ARL6IP5: variants seen among roughly 807,000 people sequenced by gnomAD.
ARL6IP5 encodes the protein PRA1 family protein 3.
ARL6IP5 carries 6 observed loss-of-function variants against 13.0 expected under a neutral mutation model. The ratio of observed to expected loss-of-function variants is 0.46; its 90% CI spans 0.25 to 0.91. The LOEUF (loss-of-function observed/expected upper bound fraction) is 0.91. Among genes scored for constraint, ARL6IP5 ranks in the 40% least tolerant of loss-of-function variants. The probability of loss-of-function intolerance (pLI) is 0.17; values close to 1 mark genes in which losing one functional copy is unlikely to be tolerated. For synonymous variants in ARL6IP5, 91 were observed against 91.9 expected (o/e 0.99, Z 0.06); for missense variants, 208 against 248.8 (o/e 0.84, Z 1.10).
At chr3:69,093,424 A>T (rs1180460975) in intron 1 of ARL6IP5, among the ~76,000 whole-genome samples, 1 of 152,152 alleles carries the variant, frequency 6.6e-6, no homozygotes, top group Non-Finnish European at 1.5e-5. Context: ...TTATTCCATG[A>T]TCCTTAGGCC....
At chr3:69,090,167 C>T (rs1017896377) in intron 1 of ARL6IP5, among the ~76,000 whole-genome samples, 2 of 152,092 alleles carry the variant, frequency 1.3e-5, no homozygotes, top group Admixed American at 1.3e-4. Context: ...GGAAAAAAAG[C>T]GTAAGGCAAC....
At chr3:69,087,016 A>T (rs767594799) in intron 1 of ARL6IP5, among the ~76,000 whole-genome samples, 1 of 151,320 alleles carries the variant, frequency 6.6e-6, no homozygotes, top group Non-Finnish European at 1.5e-5. Flanking sequence ...CTTTTTAAAA[A>T]TTTTTATTAT....
At chr3:69,097,670 G>A (rs1252625185) in intron 1 of ARL6IP5, among the ~76,000 whole-genome samples, 1 of 152,130 alleles carries the variant, frequency 6.6e-6, no homozygotes, top group Non-Finnish European at 1.5e-5. Context: ...AGAAGACAGG[G>A]CATAATCCAG....
At chr3:69,088,985 G>A (rs2092256734) in intron 1 of ARL6IP5, among the ~76,000 whole-genome samples, 1 of 152,322 alleles carries the variant, frequency 6.6e-6, no homozygotes. Flanking sequence ...GGAGAACTCT[G>A]TTCAGTGTGT....
chr3:69,088,891 C>T (rs554022899), intron 1 of ARL6IP5, among the ~76,000 whole-genome samples: 239 of 152,326 alleles, frequency 1.6e-3, no homozygotes, highest in Admixed American at 2.9e-3. Context: ...ATGACACTTG[C>T]AATTTAAGTA....
intron 1 of ARL6IP5, 100 bp downstream of exon 1, chr3:69,085,323 T>A: frequency 7.1e-7 from 1 of 1,412,730 alleles, no homozygotes; most frequent in Non-Finnish European, 9.5e-7. Context: ...CTGACCACGC[T>A]CAGCGCCTGC....
chr3:69,104,744 C>A lies in ARL6IP5; in HGVS notation c.*108C>A. 2.5e-6 allele frequency: 3 copies of A among 1,219,232 alleles called. No homozygotes were observed. Among genetic ancestry groups the A allele is most frequent in the Non-Finnish European group, 2.4e-6 (2 of 847,340 alleles). 75.5% of individuals were successfully genotyped at this position (1,219,232 alleles called of 1,614,324 possible). On this transcript the variant is annotated 3_prime_UTR_variant, in exon 3 of 3. Coordinates refer to ENST00000273258, the MANE Select transcript of ARL6IP5 (RefSeq NM_006407.4). Reference sequence around the variant, plus strand: ...TGAAACAGGAGGTGCACGTACCACCCAATTATCTATGGCAGCATGCATGTA... The same window carrying A: ...TGAAACAGGAGGTGCACGTACCACCAAATTATCTATGGCAGCATGCATGTA...
intron 2 of ARL6IP5, among the ~76,000 whole-genome samples, chr3:69,104,143 C>T (rs1292373478): frequency 6.6e-6 from 1 of 152,178 alleles, no homozygotes; most frequent in African/African-American, 2.4e-5. Flanking sequence ...CGTTGATTCA[C>T]TCTGAATTTC....
intron 1 of ARL6IP5, among the ~76,000 whole-genome samples, chr3:69,086,744 A>G (rs1191848696): frequency 7.1e-6 from 1 of 140,328 alleles, no homozygotes; most frequent in African/African-American, 2.7e-5. Flanking sequence ...TTTTTTTGAG[A>G]CTGAGCCTCG....
chr3:69,101,749 T>G, intron 1 of ARL6IP5, 90 bp from the exon 2 acceptor site: 1 of 1,071,964 alleles, frequency 9.3e-7, no homozygotes, highest in Non-Finnish European at 1.4e-6. Flanking sequence ...TATTAGTAAG[T>G]TCTCAATAAT....
At chr3:69,091,731 G>A (rs111526385) in intron 1 of ARL6IP5, among the ~76,000 whole-genome samples, 2 of 146,320 alleles carry the variant, frequency 1.4e-5, no homozygotes, top group African/African-American at 2.5e-5. Context: ...CTTTCCCTAG[G>A]TAAGGATTTA....
chr3:69,091,009 C>A (rs1339106421), intron 1 of ARL6IP5, among the ~76,000 whole-genome samples: 1 of 152,090 alleles, frequency 6.6e-6, no homozygotes, highest in African/African-American at 2.4e-5. Context: ...CCAGCCCGGG[C>A]AACATGGCGA....
intron 1 of ARL6IP5, among the ~76,000 whole-genome samples, chr3:69,099,628 C>A (rs76424253): frequency 0.012 from 1,878 of 152,240 alleles, 12 homozygotes; most frequent in Middle Eastern, 0.044. Flanking sequence ...ATACGAATCC[C>A]AATATGAGCA....
At chr3:69,086,498 G>A (rs2107509518) in intron 1 of ARL6IP5, among the ~76,000 whole-genome samples, 1 of 152,350 alleles carries the variant, frequency 6.6e-6, no homozygotes, top group South Asian at 2.1e-4. Context: ...CAATCGCACA[G>A]ATCCTTCTTC....
At chr3:69,102,719 A>C (rs765501398) in intron 2 of ARL6IP5, among the ~76,000 whole-genome samples, 1 of 152,254 alleles carries the variant, frequency 6.6e-6, no homozygotes, top group African/African-American at 2.4e-5. Context: ...GTCCTGACAC[A>C]GGAATGAATG....
intron 1 of ARL6IP5, among the ~76,000 whole-genome samples, chr3:69,100,255 C>T (rs1429065663): frequency 7.2e-5 from 11 of 152,144 alleles, no homozygotes; most frequent in Admixed American, 7.2e-4. Context: ...TGTGTTTCCT[C>T]CATTATCAAT....
Position 69,105,092 on chromosome 3 carries a change from T to C in ARL6IP5, c.*456T>C. The stretch of plus-strand genomic sequence containing the variant: ...AGAATTGTAATGTGTGGGATATAAA[T>C]TAGTTTTTATTATTCTCTTAAAAAT... On this transcript the variant is annotated 3_prime_UTR_variant, in exon 3 of 3. Transcript: ENST00000273258. 1 of 508,896 alleles carries C rather than the reference T, an allele frequency of 2.0e-6. No individual in the cohort carries two copies. Among genetic ancestry groups the C allele is most frequent in the Non-Finnish European group, 3.5e-6 (1 of 289,366 alleles). The allele number at this position is 508,896 out of a possible 1,614,324, so 31.5% of individuals were successfully genotyped here.
chr3:69,090,096 T>C (rs2092260407), intron 1 of ARL6IP5: 2 of 250,506 alleles, frequency 8.0e-6, no homozygotes, highest in Non-Finnish European at 1.6e-5. Context: ...TTATGAAATG[T>C]TCGTATTGTT....
At chr3:69,087,245 C>G (rs1234447455) in intron 1 of ARL6IP5, among the ~76,000 whole-genome samples, 3 of 151,728 alleles carry the variant, frequency 2.0e-5, no homozygotes, top group East Asian at 2.0e-4. Flanking sequence ...CTTCTGGGCT[C>G]AAGCCATCCT....
Sources: gnomAD v4.1 joint callset for allele counts (sites outside exome capture counted in the v4.1 genomes callset) on GRCh38, gnomAD v4.1.1 for gene constraint, MANE v1.5 for transcripts, NCBI Gene and HGNC (gene_info 2026-07-23, HGNC 2026-07-21) for gene names.